The following FAM53B variants were observed in gnomAD, a reference collection of about 807,000 sequenced individuals.
FAM53B encodes the protein protein FAM53B.
A neutral mutation model predicts 32.7 loss-of-function variants in FAM53B; 12 were observed. The ratio of observed to expected loss-of-function variants is 0.37; its 90% CI spans 0.24 to 0.59. FAM53B has a LOEUF of 0.59. Ranked by LOEUF, FAM53B falls within the 20% of genes least tolerant of loss-of-function variation. FAM53B has a pLI of 0.72. For synonymous variants in FAM53B, 234 were observed against 228.7 expected (o/e 1.02, Z -0.21); for missense variants, 477 against 577.7 (o/e 0.83, Z 1.79).
At chr10:124,641,238 C>A (rs1238199240) in intron 4 of FAM53B, among the ~76,000 whole-genome samples, 1 of 152,252 alleles carries the variant, frequency 6.6e-6, no homozygotes, top group African/African-American at 2.4e-5. Context: ...GGATTCACTT[C>A]AACATGTTGC....
At chr10:124,716,863 G>A (rs1020813795) in intron 1 of FAM53B, among the ~76,000 whole-genome samples, 1 of 152,034 alleles carries the variant, frequency 6.6e-6, no homozygotes, top group Non-Finnish European at 1.5e-5. Context: ...GGAAGGGAAA[G>A]AATGGGAAGA....
chr10:124,655,590 AT>A (rs1949584816), intron 4 of FAM53B, among the ~76,000 whole-genome samples: 1 of 152,122 alleles, frequency 6.6e-6, no homozygotes, highest in East Asian at 1.9e-4. Context: ...GCCCACTGTC[AT>A]CCAGGGACTG....
chr10:124,716,751 A>G (rs1950040649), intron 1 of FAM53B, among the ~76,000 whole-genome samples: 1 of 152,092 alleles, frequency 6.6e-6, no homozygotes, highest in African/African-American at 2.4e-5. Flanking sequence ...TGCTTGACAC[A>G]CTCAAAAGGA....
chr10:124,657,568 A>AT (rs1203056716), intron 4 of FAM53B, among the ~76,000 whole-genome samples: 1 of 151,994 alleles, frequency 6.6e-6, no homozygotes, highest in Non-Finnish European at 1.5e-5. Context: ...TCCAAACTAT[A>AT]TTTTTTCTCT....
chr10:124,730,603 A>C (rs1950136378), intron 1 of FAM53B, among the ~76,000 whole-genome samples: 1 of 152,224 alleles, frequency 6.6e-6, no homozygotes, highest in African/African-American at 2.4e-5. Context: ...ACTGGGACAC[A>C]GTCTCGTGTG....
At chr10:124,735,597 T>C (rs903034700) in intron 1 of FAM53B, among the ~76,000 whole-genome samples, 2 of 152,276 alleles carry the variant, frequency 1.3e-5, no homozygotes, top group Admixed American at 1.3e-4. Flanking sequence ...TGCTCTGTCC[T>C]GTATCTTGTC....
intron 1 of FAM53B, among the ~76,000 whole-genome samples, chr10:124,725,191 G>A (rs1407157736): frequency 6.6e-6 from 1 of 152,200 alleles, no homozygotes; most frequent in Non-Finnish European, 1.5e-5. Context: ...GTTCACTCTG[G>A]ACAACTAAAA....
chr10:124,682,766 C>T lies in FAM53B; in HGVS notation c.134-387G>A, dbSNP rs1304020718. On this transcript the variant is annotated intron_variant, in intron 3 of 4. Transcript: ENST00000337318. This position sits in a 1 kb window ranked among gnomAD's most constrained non-coding sequence, Gnocchi z 5.2. ...CCCTGCCCCTGGCTGATGAGAGAGTCGGGACAAGACATCTGTTAAGTGCCA... is the reference window on the plus strand; with the variant it reads ...CCCTGCCCCTGGCTGATGAGAGAGTTGGGACAAGACATCTGTTAAGTGCCA... 2.0e-5 allele frequency among the ~76,000 whole-genome samples: 3 copies of T among 152,192 alleles called. No individual in the cohort carries two copies. Among genetic ancestry groups the T allele is most frequent in the Non-Finnish European group, 2.9e-5 (2 of 68,030 alleles).
At chr10:124,683,494 C>T (rs561493620) in intron 3 of FAM53B, among the ~76,000 whole-genome samples, 22 of 152,276 alleles carry the variant, frequency 1.4e-4, no homozygotes, top group African/African-American at 3.6e-4. Context: ...TTTAAATGCA[C>T]GCCGGGTCTC....
intron 4 of FAM53B, among the ~76,000 whole-genome samples, chr10:124,667,711 C>T (rs533954858): frequency 5.9e-5 from 9 of 152,330 alleles, no homozygotes; most frequent in Admixed American, 2.0e-4. Context: ...ACTGGACTGC[C>T]CTCAAGCTAA....
chr10:124,718,725 C>T (rs1950050896), intron 1 of FAM53B, among the ~76,000 whole-genome samples: 2 of 152,242 alleles, frequency 1.3e-5, no homozygotes, highest in Non-Finnish European at 1.5e-5. Context: ...ATTCTTGCCT[C>T]TTAAGGCAGA....
rs1207152378 is a variant in FAM53B at position 124,706,719 on chromosome 10, G to C, written c.-6C>G. The C allele has an allele frequency of 1.9e-6, 3 of 1,613,988 alleles. No individual in the cohort carries two copies. In the South Asian group the frequency reaches 3.3e-5, roughly 18 times the overall value. ...TCACTTAGGACCATCACCATGATAA[G>C]GGCCTCAGGCGCTGGGCTCCATCCC... On this transcript the variant is annotated 5_prime_UTR_variant, in exon 2 of 5. Transcript: ENST00000337318.
At chr10:124,680,121 A>G (rs895891434) in intron 4 of FAM53B, among the ~76,000 whole-genome samples, 1 of 152,224 alleles carries the variant, frequency 6.6e-6, no homozygotes, top group African/African-American at 2.4e-5. Context: ...AATGTGTTCA[A>G]TCCCTGTCCA....
chr10:124,652,984 C>A (rs927529939), intron 4 of FAM53B, among the ~76,000 whole-genome samples: 8 of 152,140 alleles, frequency 5.3e-5, no homozygotes, highest in African/African-American at 1.9e-4. Flanking sequence ...CACCCAGATG[C>A]CTTGGCCAGG....
chr10:124,666,890 C>T (rs765389822), intron 4 of FAM53B, among the ~76,000 whole-genome samples: 1 of 152,194 alleles, frequency 6.6e-6, no homozygotes, highest in Non-Finnish European at 1.5e-5. Flanking sequence ...GCCTGCTATA[C>T]CCGAGGCAGA....
intron 3 of FAM53B, among the ~76,000 whole-genome samples, chr10:124,688,639 A>G (rs1949816105): frequency 6.6e-6 from 1 of 152,234 alleles, no homozygotes; most frequent in Non-Finnish European, 1.5e-5. Context: ...CTACATATGC[A>G]GAGACAAGGA....
At chr10:124,728,774 C>T (rs1001627050) in intron 1 of FAM53B, among the ~76,000 whole-genome samples, 1 of 152,234 alleles carries the variant, frequency 6.6e-6, no homozygotes, top group Non-Finnish European at 1.5e-5. Context: ...AATGTCACCC[C>T]ACAGTGAGCA....
At chr10:124,639,648 A>G (rs570331307) in intron 4 of FAM53B, among the ~76,000 whole-genome samples, 1 of 152,278 alleles carries the variant, frequency 6.6e-6, no homozygotes, top group South Asian at 2.1e-4. Flanking sequence ...ACACCTCAAC[A>G]TAACTATGAA....
intron 1 of FAM53B, among the ~76,000 whole-genome samples, chr10:124,739,379 T>G (rs1016682699): frequency 2.0e-5 from 3 of 152,260 alleles, no homozygotes; most frequent in Non-Finnish European, 4.4e-5. Flanking sequence ...GGGCCCAGGG[T>G]GGGCCTTCAA....
Sources: gnomAD v4.1 joint callset for allele counts (sites outside exome capture counted in the v4.1 genomes callset) on GRCh38, gnomAD v4.1.1 for gene constraint, Gnocchi (gnomAD v3.1) non-coding constraint, MANE v1.5 for transcripts, NCBI Gene and HGNC (gene_info 2026-07-23, HGNC 2026-07-21) for gene names.